The following PTPMT1 variants were observed in gnomAD, a reference collection of about 807,000 sequenced individuals.
PTPMT1 encodes phosphatidylglycerophosphatase and protein-tyrosine phosphatase 1.
PTPMT1 carries 12 observed loss-of-function variants against 17.8 expected under a neutral mutation model. The ratio of observed to expected loss-of-function variants is 0.67; its 90% confidence interval spans 0.43 to 1.09. PTPMT1 has a LOEUF of 1.09. Ranked by LOEUF, PTPMT1 falls within the 50% of genes least tolerant of loss-of-function variation. The pLI is 0.00. For synonymous variants in PTPMT1, 132 were observed against 116.8 expected, an observed-to-expected ratio of 1.13 and a Z score of -0.84; for missense variants, 262 against 266.0, an observed-to-expected ratio of 0.99 and a Z score of 0.10.
rs1415892862 is a variant in PTPMT1 at position 47,573,145 on chromosome 11, G to A, written c.*1516G>A. The A allele has an allele frequency of 6.2e-7, 1 of 1,614,208 alleles. No individual in the cohort carries two copies. On this transcript the variant is annotated 3_prime_UTR_variant, in exon 4 of 4. Coordinates refer to ENST00000326674, the MANE Select transcript of PTPMT1 (RefSeq NM_175732.3). This position sits in a 1 kb window ranked among gnomAD's most constrained non-coding sequence, Gnocchi z 4.1. ...AGGCAAAGCCGGGTGAAGCTGTCTA[G>A]CAAGGGATTGTAGCACACCAGGGAG...
intron 2 of PTPMT1, among the ~76,000 whole-genome samples, chr11:47,568,750 G>T (rs1277036561): frequency 6.6e-6 from 1 of 151,962 alleles, no homozygotes; most frequent in African/African-American, 2.4e-5. Context: ...GGAGTACAAT[G>T]GTGCGATCTC....
Position 47,572,856 on chromosome 11 carries a change from T to G in PTPMT1, c.*1227T>G, listed in dbSNP as rs1565929491. On this transcript the variant is annotated 3_prime_UTR_variant, in exon 4 of 4. Coordinates refer to ENST00000326674, the MANE Select transcript of PTPMT1 (RefSeq NM_175732.3). ...GTGCCAAAAAAAACATAACTCTGAA[T>G]TGGGGCCCAGGGGACTTTGAGTTTG... The G allele has an allele frequency of 2.0e-6, 3 of 1,490,782 alleles. No individual in the cohort carries two copies. Among genetic ancestry groups the G allele is most frequent in the Non-Finnish European group, 9.1e-7 (1 of 1,100,850 alleles). 92.3% of individuals were successfully genotyped at this position (1,490,782 alleles called of 1,614,324 possible). A position where few individuals can be genotyped will look rare whatever the true frequency, so the allele number is the denominator to read the frequency against.
Position 47,573,120 on chromosome 11 carries a change from AG to A in PTPMT1, c.*1493del. 6.2e-7 allele frequency: 1 copy of A among 1,614,218 alleles called. No individual in the cohort carries two copies. Among genetic ancestry groups the A allele is most frequent in the Non-Finnish European group, 8.5e-7 (1 of 1,180,038 alleles). On this transcript the variant is annotated 3_prime_UTR_variant, in exon 4 of 4. Transcript: ENST00000326674. The surrounding 1 kb of genome is among the most constrained non-coding windows in gnomAD (Gnocchi z 4.1). ...TGGGGCAGAGCTCCAGGCCTCAGGA[AG>A]GCAAAGCCGGGTGAAGCTGTCTAGC... is the stretch of plus-strand genomic sequence containing the variant.
Position 47,565,736 on chromosome 11 carries a change from C to A in PTPMT1, c.114C>A (p.Tyr38Ter). ...CGGGTCGGGCGCACCGGGACTGGTACCACCGCATCGACCCCACCGTGCTGC... is the reference window on the plus strand; with the variant it reads ...CGGGTCGGGCGCACCGGGACTGGTAACACCGCATCGACCCCACCGTGCTGC... ...KVPGRAHRDW[Y>*]HRIDPTVLLG... is the part of the protein sequence containing the mutation. The change falls in exon 1 of 4, where the codon TAC becomes TAA. Residue 38 changes from tyrosine to a stop codon, truncating the protein, a stop_gained. Coordinates refer to ENST00000326674, the MANE Select transcript of PTPMT1 (RefSeq NM_175732.3). LOFTEE classifies it high-confidence loss of function. 1 of 1,591,436 alleles carries A rather than the reference C, an allele frequency of 6.3e-7. No individual in the cohort carries two copies.
At chr11:47,570,468 C>A (rs1232696612) in intron 3 of PTPMT1, among the ~76,000 whole-genome samples, 1 of 152,220 alleles carries the variant, frequency 6.6e-6, no homozygotes. Context: ...GAAATTACAT[C>A]AAGTGCTGGC....
chr11:47,566,135 A>G, intron 2 of PTPMT1, 149 bp downstream of exon 2: 5 of 857,160 alleles, frequency 5.8e-6, no homozygotes, highest in Non-Finnish European at 8.5e-6. Context: ...TGTGCCTCTA[A>G]ATGGCACCTG....
chr11:47,570,500 C>T (rs1303834186), intron 3 of PTPMT1, among the ~76,000 whole-genome samples: 1 of 152,166 alleles, frequency 6.6e-6, no homozygotes, highest in African/African-American at 2.4e-5. Context: ...ACTCTAAAAA[C>T]GGAGTTGCAA....
rs1408153651 is a variant in PTPMT1, at chr11:47,565,717, G to T, written c.95G>T (p.Arg32Leu). The T allele has an allele frequency of 6.3e-7, 1 of 1,577,910 alleles. No homozygotes were observed. The highest frequency in any genetic ancestry group is 2.4e-5 in the East Asian group (1 of 41,850). The change falls in exon 1 of 4, where the codon CGG becomes CTG. Residue 32 changes from arginine to leucine, a missense_variant. By Grantham distance (102) the Arg-to-Leu change is moderately radical. Transcript: ENST00000326674. ...CTGTTCCGCGGGAAGGTGCCGGGTC[G>T]GGCGCACCGGGACTGGTACCACCGC... ...YTLFRGKVPG[R>L]AHRDWYHRID...
chr11:47,568,081 G>A (rs2097247319), intron 2 of PTPMT1, among the ~76,000 whole-genome samples: 2 of 151,998 alleles, frequency 1.3e-5, no homozygotes, highest in African/African-American at 2.4e-5. Flanking sequence ...CACCATGCCC[G>A]GCTAATTTTT....
intron 2 of PTPMT1, among the ~76,000 whole-genome samples, chr11:47,568,432 T>C (rs2097247551): frequency 6.6e-6 from 1 of 151,930 alleles, no homozygotes; most frequent in African/African-American, 2.4e-5. Context: ...TCCCAGCATT[T>C]TGGGAGGCTG....
intron 2 of PTPMT1, among the ~76,000 whole-genome samples, chr11:47,569,386 TA>T (rs55868744): frequency 0.94 from 106,504 of 112,804 alleles, 50,346 homozygotes; most frequent in East Asian, 0.99. Flanking sequence ...ACTCTGTCTT[TA>T]AAAAAAAAAA....
chr11:47,573,207 A>G lies in PTPMT1; in HGVS notation c.*1578A>G, dbSNP rs772635290. ...CACGATGAACACCAGATCTTTATGC[A>G]CAGCTGCGTGCATGCGGCCTGCAAA... On this transcript the variant is annotated 3_prime_UTR_variant, in exon 4 of 4. Coordinates refer to ENST00000326674, the MANE Select transcript of PTPMT1 (RefSeq NM_175732.3). The surrounding 1 kb of genome is among the most constrained non-coding windows in gnomAD (Gnocchi z 4.1). 2 of 1,614,188 alleles carry G rather than the reference A, an allele frequency of 1.2e-6. No individual in the cohort carries two copies. The highest frequency in any genetic ancestry group is 1.1e-5 in the South Asian group (1 of 91,082).
At chr11:47,568,031 T>C (rs1225303714) in intron 2 of PTPMT1, among the ~76,000 whole-genome samples, 1 of 152,140 alleles carries the variant, frequency 6.6e-6, no homozygotes, top group East Asian at 1.9e-4. Flanking sequence ...GCCATTCTCC[T>C]GCCTCAGCCT....
In PTPMT1 at chr11:47,573,325, T is replaced by C. The variant is rs545542449; in HGVS notation, c.*1696T>C. ...GGTTTGGTAAAGAAGTCCAGATCAT[T>C]CTCCTCCCCCCCTAGTAAGTAGATG... On this transcript the variant is annotated 3_prime_UTR_variant, in exon 4 of 4. Transcript: ENST00000326674. This position sits in a 1 kb window ranked among gnomAD's most constrained non-coding sequence, Gnocchi z 4.1. 1.9e-5 allele frequency: 31 copies of C among 1,613,976 alleles called. No homozygotes were observed. Among genetic ancestry groups the C allele is most frequent in the Non-Finnish European group, 2.5e-5 (29 of 1,179,986 alleles).
intron 2 of PTPMT1, among the ~76,000 whole-genome samples, chr11:47,568,065 G>A (rs955846821): frequency 1.3e-5 from 2 of 151,860 alleles, no homozygotes; most frequent in African/African-American, 2.4e-5. Flanking sequence ...GACTACAGGC[G>A]CCTGCCACCA....
Position 47,573,247 on chromosome 11 carries a change from GC to G in PTPMT1, c.*1619del. On this transcript the variant is annotated 3_prime_UTR_variant, in exon 4 of 4. Transcript: ENST00000326674. This position sits in a 1 kb window ranked among gnomAD's most constrained non-coding sequence, Gnocchi z 4.1. ...CGGCCTGCAAAGGGCAGCACATAGG[GC>G]TTCACATGGCATTTGTCTGTCTCTG... is the stretch of plus-strand genomic sequence containing the variant. The G allele has an allele frequency of 6.2e-7, 1 of 1,614,124 alleles. No individual in the cohort carries two copies.
rs2097251061 is a variant in PTPMT1 at position 47,572,587 on chromosome 11, T to C, written c.*958T>C. ...GTACAATTGGGCATCTTTCCTTATG[T>C]CCTGGGATCAGGGGTGCTTACATTT... On this transcript the variant is annotated 3_prime_UTR_variant, in exon 4 of 4. Transcript: ENST00000326674. The C allele has an allele frequency of 7.8e-6, 2 of 258,046 alleles. No homozygotes were observed. Among genetic ancestry groups the C allele is most frequent in the South Asian group, 1.9e-4 (2 of 10,646 alleles). The allele number at this position is 258,046 out of a possible 1,614,324, so 16.0% of individuals were successfully genotyped here. A position where few individuals can be genotyped will look rare whatever the true frequency, so the allele number is the denominator to read the frequency against.
chr11:47,570,334 A>G (rs1347016030), intron 3 of PTPMT1, among the ~76,000 whole-genome samples: 1 of 152,224 alleles, frequency 6.6e-6, no homozygotes, highest in African/African-American at 2.4e-5. Flanking sequence ...TATGATGGAA[A>G]GCACCTGAGC....
Position 47,573,244 on chromosome 11 carries a change from A to AG in PTPMT1, c.*1618dup. ...ATGCGGCCTGCAAAGGGCAGCACAT[A>AG]GGGCTTCACATGGCATTTGTCTGTC... On this transcript the variant is annotated 3_prime_UTR_variant, in exon 4 of 4. Transcript: ENST00000326674. This position sits in a 1 kb window ranked among gnomAD's most constrained non-coding sequence, Gnocchi z 4.1. The AG allele has an allele frequency of 6.2e-7, 1 of 1,614,148 alleles. No individual in the cohort carries two copies. The highest frequency in any genetic ancestry group is 8.5e-7 in the Non-Finnish European group (1 of 1,180,026).
Sources: gnomAD v4.1 joint callset for allele counts (sites outside exome capture counted in the v4.1 genomes callset) on GRCh38, gnomAD v4.1.1 for gene constraint, Gnocchi (gnomAD v3.1) non-coding constraint, MANE v1.5 for transcripts, NCBI Gene and HGNC (gene_info 2026-07-23, HGNC 2026-07-21) for gene names.